Variants in TXNDC16 observed in about 807,000 individuals in gnomAD.
TXNDC16 encodes the protein thioredoxin domain containing 16.
Under a neutral mutation model 85.6 loss-of-function variants are expected in TXNDC16, and 74 were observed. The ratio of observed to expected loss-of-function variants is 0.86; its 90% confidence interval spans 0.72 to 1.05. The LOEUF (loss-of-function observed/expected upper bound fraction) is 1.05, where lower values mean the gene tolerates loss of function less well. TXNDC16 is among the 50% of genes least tolerant of loss of function. The pLI, the probability that TXNDC16 is intolerant of heterozygous loss-of-function variation, is 0.00. For missense variants in TXNDC16, 959 were observed against 947.0 expected, an observed-to-expected ratio of 1.01 and a Z score of -0.17; for synonymous variants, 335 against 326.5, an observed-to-expected ratio of 1.03 and a Z score of -0.28.
chr14:52,453,490 C>T (rs560338424), intron 18 of TXNDC16, among the ~76,000 whole-genome samples: 27 of 151,734 alleles, frequency 1.8e-4, no homozygotes, highest in Admixed American at 3.9e-4. Flanking sequence ...AATACTATTC[C>T]GTCATAAAAA....
At chr14:52,473,458 C>A (rs186813883) in intron 14 of TXNDC16, among the ~76,000 whole-genome samples, 5 of 152,212 alleles carry the variant, frequency 3.3e-5, no homozygotes, top group Admixed American at 1.3e-4. Context: ...TCTACTACTG[C>A]TAAAACTGTG....
intron 18 of TXNDC16, among the ~76,000 whole-genome samples, chr14:52,446,916 A>G (rs369725354): frequency 6.6e-6 from 1 of 151,982 alleles, no homozygotes; most frequent in African/African-American, 2.4e-5. Context: ...TAGGTAGTAC[A>G]TTGTAGGACT....
At chr14:52,509,456 C>CAA (rs2036900341) in intron 9 of TXNDC16, among the ~76,000 whole-genome samples, 1 of 151,068 alleles carries the variant, frequency 6.6e-6, no homozygotes, top group Admixed American at 6.6e-5. Flanking sequence ...GGTATTCTCC[C>CAA]AACATGAAAG....
intron 6 of TXNDC16, among the ~76,000 whole-genome samples, chr14:52,520,515 C>A (rs1022100391): frequency 6.6e-6 from 1 of 152,072 alleles, no homozygotes; most frequent in Non-Finnish European, 1.5e-5. Context: ...GAGGCTGAGG[C>A]AGGAGAATGG....
At chr14:52,488,551 T>G in intron 11 of TXNDC16, 65 bp from the exon 12 acceptor site, 1 of 1,377,378 alleles carries the variant, frequency 7.3e-7, no homozygotes, top group South Asian at 1.3e-5. Flanking sequence ...AATGTTTTAC[T>G]TGGGCCAGGT....
chr14:52,515,669 A>G (rs978278967), intron 7 of TXNDC16, among the ~76,000 whole-genome samples: 20 of 144,348 alleles, frequency 1.4e-4, no homozygotes, highest in East Asian at 8.0e-4. Context: ...TTTCATACAT[A>G]TGTGTGTGTG....
intron 4 of TXNDC16, among the ~76,000 whole-genome samples, chr14:52,538,645 G>C (rs1349291354): frequency 1.3e-5 from 2 of 151,910 alleles, no homozygotes; most frequent in African/African-American, 4.8e-5. Flanking sequence ...AGAGAGGAAA[G>C]AGAAAAAAAG....
chr14:52,447,346 T>C (rs1319835457), intron 18 of TXNDC16, among the ~76,000 whole-genome samples: 4 of 152,104 alleles, frequency 2.6e-5, no homozygotes, highest in Admixed American at 2.6e-4. Context: ...GAATTCACCA[T>C]CCTAAAGGGA....
At chr14:52,458,013 A>G (rs1000012538) in intron 16 of TXNDC16, among the ~76,000 whole-genome samples, 2 of 152,194 alleles carry the variant, frequency 1.3e-5, no homozygotes, top group African/African-American at 4.8e-5. Flanking sequence ...ACAGAAAAAC[A>G]CTCATGGAAG....
intron 16 of TXNDC16, among the ~76,000 whole-genome samples, chr14:52,463,577 T>C (rs2035703604): frequency 6.6e-6 from 1 of 152,176 alleles, no homozygotes; most frequent in Admixed American, 6.5e-5. Context: ...AATAGCTGGA[T>C]TGGTTACAGC....
At chr14:52,535,874 A>G (rs1042827783) in intron 6 of TXNDC16, among the ~76,000 whole-genome samples, 2 of 152,056 alleles carry the variant, frequency 1.3e-5, no homozygotes, top group Non-Finnish European at 2.9e-5. Flanking sequence ...CCCAGTGAGA[A>G]TAACAAAGAT....
intron 18 of TXNDC16, among the ~76,000 whole-genome samples, chr14:52,454,958 A>T (rs894981257): frequency 6.6e-6 from 1 of 152,218 alleles, no homozygotes; most frequent in African/African-American, 2.4e-5. Context: ...GCTACATTTT[A>T]TGCATGCAGA....
At chr14:52,545,150 C>G (rs2037916524) in intron 1 of TXNDC16, among the ~76,000 whole-genome samples, 1 of 152,118 alleles carries the variant, frequency 6.6e-6, no homozygotes, top group African/African-American at 2.4e-5. Context: ...TATAGAATAT[C>G]ATCTTTCCTG....
At chr14:52,486,644 T>A (rs2036279085) in intron 12 of TXNDC16, among the ~76,000 whole-genome samples, 2 of 152,180 alleles carry the variant, frequency 1.3e-5, no homozygotes, top group Non-Finnish European at 2.9e-5. Flanking sequence ...CTAACCCTTA[T>A]CTAGTTTTCC....
chr14:52,489,590 C>G (rs1000690564), intron 11 of TXNDC16, among the ~76,000 whole-genome samples: 2 of 152,176 alleles, frequency 1.3e-5, no homozygotes, highest in Admixed American at 6.5e-5. Context: ...CAAATATTCA[C>G]AGAAATTTTT....
intron 9 of TXNDC16, among the ~76,000 whole-genome samples, chr14:52,505,686 G>C (rs1393052877): frequency 6.6e-6 from 1 of 152,128 alleles, no homozygotes; most frequent in Non-Finnish European, 1.5e-5. Flanking sequence ...ACATTCAAAA[G>C]CTACCAGAAG....
chr14:52,519,368 C>A, intron 6 of TXNDC16, 75 bp from the exon 7 acceptor site: 1 of 1,151,430 alleles, frequency 8.7e-7, no homozygotes, highest in South Asian at 1.6e-5. Flanking sequence ...GTTAAAGAAC[C>A]TAACCAAAAG....
intron 9 of TXNDC16, among the ~76,000 whole-genome samples, chr14:52,492,139 C>G (rs1204908070): frequency 6.6e-6 from 1 of 152,190 alleles, no homozygotes; most frequent in Non-Finnish European, 1.5e-5. Flanking sequence ...CAGCAGAAAT[C>G]TAGGAACAGT....
At chr14:52,500,369 G>A (rs1350101335) in intron 9 of TXNDC16, among the ~76,000 whole-genome samples, 1 of 152,132 alleles carries the variant, frequency 6.6e-6, no homozygotes, top group Non-Finnish European at 1.5e-5. Flanking sequence ...AACAAATATG[G>A]CATAACTCAG....
Sources: gnomAD v4.1 joint callset for allele counts (sites outside exome capture counted in the v4.1 genomes callset) on GRCh38, gnomAD v4.1.1 for gene constraint, MANE v1.5 for transcripts, NCBI Gene and HGNC (gene_info 2026-07-23, HGNC 2026-07-21) for gene names.